Variants in PLB1 observed in about 807,000 individuals in gnomAD.
PLB1 encodes the protein phospholipase B1, membrane-associated.
In PLB1, 242 loss-of-function variants were observed where a neutral mutation model predicts 227.4. That is an observed-to-expected ratio of 1.06 (90% CI 0.96 to 1.18). The LOEUF (loss-of-function observed/expected upper bound fraction) is 1.18. Ranked by LOEUF, PLB1 falls within the 50% of genes most tolerant of loss-of-function variation. PLB1 has a pLI of 0.00. For synonymous variants in PLB1, 757 were observed against 682.2 expected (o/e 1.11, Z -1.71); for missense variants, 1,858 against 1,816.3 (o/e 1.02, Z -0.42).
intron 23 of PLB1, among the ~76,000 whole-genome samples, chr2:28,581,180 G>A (rs182209991): frequency 6.6e-6 from 1 of 152,074 alleles, no homozygotes; most frequent in Admixed American, 6.5e-5. Context: ...TCGAGATCAG[G>A]AGAAACAGTT....
At chr2:28,567,553 A>G (rs918917531) in intron 20 of PLB1, among the ~76,000 whole-genome samples, 1 of 134,558 alleles carries the variant, frequency 7.4e-6, no homozygotes, top group Non-Finnish European at 1.5e-5. Context: ...AGCTCATTGC[A>G]ACCTCCGCCT....
chr2:28,564,809 G>T (rs1676612723), intron 18 of PLB1, among the ~76,000 whole-genome samples: 1 of 152,212 alleles, frequency 6.6e-6, no homozygotes, highest in Non-Finnish European at 1.5e-5. Flanking sequence ...TGTCCACATT[G>T]TGCTTTCTTC....
intron 56 of PLB1, 40 bp from the exon 57 acceptor site, chr2:28,640,887 A>T (rs1480760232): frequency 6.3e-7 from 1 of 1,583,130 alleles, no homozygotes; most frequent in Admixed American, 1.7e-5. Flanking sequence ...AGTGTCTCCC[A>T]GCTTTGGAGA....
rs758587841 is a variant in PLB1, at chr2:28,626,427, G to C, written c.3580-1G>C. ...AAACTCAGGATCTTCTGTCCCCTCAGGACATCAACCTGGAGAAAGACTGGA... is the reference window on the plus strand; with the variant it reads ...AAACTCAGGATCTTCTGTCCCCTCACGACATCAACCTGGAGAAAGACTGGA... On this transcript the variant is annotated splice_acceptor_variant, in intron 50 of 57. Transcript: ENST00000327757. LOFTEE classifies it high-confidence loss of function. The C allele has an allele frequency of 6.2e-7, 1 of 1,613,856 alleles. No homozygotes were observed. The highest frequency in any genetic ancestry group is 1.1e-5 in the South Asian group (1 of 91,086).
At chr2:28,566,745 G>A in intron 19 of PLB1, 51 bp from the exon 20 acceptor site, 1 of 1,601,158 alleles carries the variant, frequency 6.2e-7, no homozygotes, top group Non-Finnish European at 8.6e-7. Context: ...AAGGGTCTCG[G>A]CGTGGCTGGG....
At chr2:28,619,397 A>C (rs1354283784) in intron 46 of PLB1, among the ~76,000 whole-genome samples, 1 of 152,172 alleles carries the variant, frequency 6.6e-6, no homozygotes, top group Non-Finnish European at 1.5e-5. Flanking sequence ...TGGTATTTGC[A>C]TGTGGGTGAG....
intron 21 of PLB1, among the ~76,000 whole-genome samples, chr2:28,577,661 T>C (rs967065364): frequency 5.3e-5 from 8 of 152,260 alleles, no homozygotes; most frequent in African/African-American, 1.7e-4. Context: ...GCCAACATGG[T>C]GAAACCCCAT....
intron 35 of PLB1, 146 bp from the exon 36 acceptor site, chr2:28,600,663 A>C: frequency 1.4e-6 from 1 of 707,966 alleles, no homozygotes; most frequent in South Asian, 1.7e-5. Flanking sequence ...CAGAAGAGGC[A>C]AGTCACTCCT....
At chr2:28,614,734 G>A (rs760033250) in intron 44 of PLB1, among the ~76,000 whole-genome samples, 2 of 152,194 alleles carry the variant, frequency 1.3e-5, no homozygotes, top group Non-Finnish European at 1.5e-5. Flanking sequence ...CGCAGTTTCA[G>A]TTTCACACCT....
chr2:28,585,878 T>C, intron 26 of PLB1, 36 bp downstream of exon 26: 1 of 1,509,040 alleles, frequency 6.6e-7, no homozygotes, highest in African/African-American at 1.4e-5. Flanking sequence ...TTCCCAGAAC[T>C]GCTGTGTGAT....
At position 28,643,346 on chromosome 2, in the gene PLB1, C is replaced by T. The variant is rs1263837720; in HGVS notation, c.*285C>T. 1.1e-5 allele frequency: 3 copies of T among 284,358 alleles called. No homozygotes were observed. Among genetic ancestry groups the T allele is most frequent in the African/African-American group, 6.5e-5 (3 of 46,124 alleles). 17.6% of individuals were successfully genotyped at this position (284,358 alleles called of 1,614,324 possible). Reference sequence around the variant, plus strand: ...GTGTGGGAGCTGCCACTTTTTGTGGCCTGCCTCCAGCAGGGCTGCCCAAGC... The same window carrying T: ...GTGTGGGAGCTGCCACTTTTTGTGGTCTGCCTCCAGCAGGGCTGCCCAAGC... On this transcript the variant is annotated 3_prime_UTR_variant, in exon 58 of 58. Coordinates refer to ENST00000327757, the MANE Select transcript of PLB1 (RefSeq NM_153021.5).
chr2:28,583,744 C>T (rs1199693985), intron 25 of PLB1, among the ~76,000 whole-genome samples: 1 of 152,010 alleles, frequency 6.6e-6, no homozygotes, highest in Non-Finnish European at 1.5e-5. Flanking sequence ...CATAATGGCT[C>T]ATGTGGGGCT....
At chr2:28,629,012 T>C (rs1688217412) in intron 52 of PLB1, 82 bp from the exon 53 acceptor site, 1 of 1,138,654 alleles carries the variant, frequency 8.8e-7, no homozygotes, top group South Asian at 1.5e-5. Flanking sequence ...TTGAGGGGAG[T>C]GGGAATTGGA....
At chr2:28,621,646 C>T (rs1489503047) in intron 49 of PLB1, among the ~76,000 whole-genome samples, 1 of 152,132 alleles carries the variant, frequency 6.6e-6, no homozygotes, top group African/African-American at 2.4e-5. Flanking sequence ...TCACTATGCT[C>T]CGATCACCAG....
intron 34 of PLB1, 143 bp downstream of exon 34, chr2:28,598,191 AAGC>A (rs1453612556): frequency 8.6e-6 from 6 of 695,604 alleles, no homozygotes; most frequent in Non-Finnish European, 1.5e-5. Context: ...GGCTATGAAA[AAGC>A]AGCCGAGGCA....
chr2:28,593,941 G>T (rs769563355), intron 33 of PLB1, 187 bp downstream of exon 33: 21 of 659,478 alleles, frequency 3.2e-5, no homozygotes, highest in Non-Finnish European at 4.5e-5. Flanking sequence ...TTTTACTGTT[G>T]ATAATCTTTT....
At chr2:28,568,642 G>A (rs1035807770) in intron 20 of PLB1, among the ~76,000 whole-genome samples, 15 of 152,176 alleles carry the variant, frequency 9.9e-5, no homozygotes, top group East Asian at 3.8e-4. Context: ...ACAGTGCTCC[G>A]ATGACATCAC....
intron 1 of PLB1, among the ~76,000 whole-genome samples, chr2:28,500,327 T>G (rs543628398): frequency 6.6e-6 from 1 of 152,352 alleles, no homozygotes; most frequent in South Asian, 2.1e-4. Context: ...TAGTTGGTGA[T>G]GCCAAATTTG....
intron 49 of PLB1, among the ~76,000 whole-genome samples, chr2:28,623,447 C>T (rs1001398806): frequency 1.3e-5 from 2 of 152,110 alleles, no homozygotes; most frequent in Non-Finnish European, 2.9e-5. Context: ...ACACCTTGAA[C>T]CTGTTAAAAG....
Sources: gnomAD v4.1 joint callset for allele counts (sites outside exome capture counted in the v4.1 genomes callset) on GRCh38, gnomAD v4.1.1 for gene constraint, MANE v1.5 for transcripts, NCBI Gene and HGNC (gene_info 2026-07-23, HGNC 2026-07-21) for gene names.